SMIM13: variants seen among roughly 807,000 people sequenced by gnomAD.
SMIM13 encodes UPF0766 protein C6orf228.
Under a neutral mutation model 5.9 loss-of-function variants are expected in SMIM13, and 3 were observed. The observed-to-expected ratio is 0.51, with a 90% CI of 0.23 to 1.31. The LOEUF is 1.31. Ranked by LOEUF, SMIM13 falls within the 40% of genes most tolerant of loss-of-function variation. SMIM13 has a pLI of 0.18. For synonymous variants in SMIM13, 55 were observed against 46.0 expected (o/e 1.19, Z -0.79); for missense variants, 85 against 109.9 (o/e 0.77, Z 1.01).
intron 1 of SMIM13, among the ~76,000 whole-genome samples, chr6:11,095,139 C>T (rs1285837126): frequency 6.6e-6 from 1 of 152,082 alleles, no homozygotes; most frequent in Non-Finnish European, 1.5e-5. Context: ...CTAAAAAGTA[C>T]GTAGAACACG....
In SMIM13 at chr6:11,130,592, T is replaced by C. The variant is rs144945839; in HGVS notation, c.77-3811T>C. 9.8e-5 allele frequency among the ~76,000 whole-genome samples: 15 copies of C among 152,330 alleles called. No individual in the cohort carries two copies. The East Asian group carries it at 2.9e-3, about 29-fold the overall frequency. ...CTCCAAACTCTAGAGTTTTTCTCATTGATACCACATTCTGGTTCTGAATTT... is the reference window on the plus strand; with the variant it reads ...CTCCAAACTCTAGAGTTTTTCTCATCGATACCACATTCTGGTTCTGAATTT... On this transcript the variant is annotated intron_variant, in intron 1 of 1. Coordinates refer to ENST00000416247, the MANE Select transcript of SMIM13 (RefSeq NM_001135575.2).
intron 1 of SMIM13, among the ~76,000 whole-genome samples, chr6:11,094,954 A>T (rs1401388974): frequency 6.6e-6 from 1 of 152,198 alleles, no homozygotes; most frequent in African/African-American, 2.4e-5. Context: ...TCAGTTCTAT[A>T]ATAATGGTGC....
chr6:11,099,383 C>T (rs1757964057), intron 1 of SMIM13, among the ~76,000 whole-genome samples: 1 of 152,108 alleles, frequency 6.6e-6, no homozygotes, highest in Non-Finnish European at 1.5e-5. Flanking sequence ...CCATGTTGGC[C>T]AGGATGGTCT....
chr6:11,117,781 T>C (rs543862708), intron 1 of SMIM13, among the ~76,000 whole-genome samples: 101 of 150,998 alleles, frequency 6.7e-4, no homozygotes, highest in Admixed American at 5.9e-3. Flanking sequence ...AGAGGGTCTC[T>C]CTCTGTCACC....
intron 1 of SMIM13, chr6:11,104,754 A>G: frequency 6.2e-7 from 1 of 1,614,244 alleles, no homozygotes; most frequent in Non-Finnish European, 8.5e-7. Context: ...GGATTTATCT[A>G]GCAAAGTTCC....
intron 1 of SMIM13, among the ~76,000 whole-genome samples, chr6:11,106,766 A>T (rs11754914): frequency 6.6e-6 from 1 of 152,078 alleles, no homozygotes; most frequent in Non-Finnish European, 1.5e-5. Context: ...GTTTCATTAG[A>T]GCCCCTTTGG....
At chr6:11,096,428 G>C (rs141562523) in intron 1 of SMIM13, among the ~76,000 whole-genome samples, 2 of 152,338 alleles carry the variant, frequency 1.3e-5, no homozygotes, top group African/African-American at 4.8e-5. Flanking sequence ...CCTGTGCTAG[G>C]ACACCTTAGT....
At chr6:11,110,230 C>T (rs2113649851) in intron 1 of SMIM13, among the ~76,000 whole-genome samples, 1 of 152,306 alleles carries the variant, frequency 6.6e-6, no homozygotes, top group South Asian at 2.1e-4. Flanking sequence ...ACCCTGATCC[C>T]ATCCCATTTC....
chr6:11,105,504 T>A (rs908782110), intron 1 of SMIM13: 3 of 573,832 alleles, frequency 5.2e-6, no homozygotes, highest in Non-Finnish European at 9.5e-6. Flanking sequence ...GAATTTTAGA[T>A]CTTCCAGTGC....
intron 1 of SMIM13, among the ~76,000 whole-genome samples, chr6:11,098,683 C>A (rs1757955260): frequency 1.3e-5 from 2 of 152,106 alleles, no homozygotes; most frequent in African/African-American, 4.8e-5. Flanking sequence ...TCCACTTGCC[C>A]CGGGCTCCCA....
chr6:11,103,871 G>T lies in SMIM13; in HGVS notation c.76+9482G>T, dbSNP rs1367231219. 81 of 1,551,706 alleles carry T rather than the reference G, an allele frequency of 5.2e-5. No homozygotes were observed. In the East Asian group the frequency reaches 1.9e-3, roughly 36 times the overall value. Reference sequence around the variant, plus strand: ...GGCCTGTAAGGGGAAGAACCCAAGAGAACCATTTCCAAGTTCCTTCCCAAT... The same window carrying T: ...GGCCTGTAAGGGGAAGAACCCAAGATAACCATTTCCAAGTTCCTTCCCAAT... On this transcript the variant is annotated intron_variant, in intron 1 of 1. Coordinates refer to ENST00000416247, the MANE Select transcript of SMIM13 (RefSeq NM_001135575.2).
At chr6:11,111,998 C>T (rs1446465471) in intron 1 of SMIM13, among the ~76,000 whole-genome samples, 1 of 152,208 alleles carries the variant, frequency 6.6e-6, no homozygotes, top group African/African-American at 2.4e-5. Context: ...CCCACTTGCC[C>T]AGCTTCGGAG....
At chr6:11,114,243 G>A (rs1758207437) in intron 1 of SMIM13, among the ~76,000 whole-genome samples, 1 of 152,134 alleles carries the variant, frequency 6.6e-6, no homozygotes, top group African/African-American at 2.4e-5. Flanking sequence ...CCCTCCCAAA[G>A]TGTTGGGATT....
chr6:11,096,936 C>A (rs1278763389), intron 1 of SMIM13, among the ~76,000 whole-genome samples: 1 of 152,232 alleles, frequency 6.6e-6, no homozygotes, highest in African/African-American at 2.4e-5. Context: ...GGTGATCCAC[C>A]CGCCTCGGCT....
intron 1 of SMIM13, among the ~76,000 whole-genome samples, chr6:11,125,142 G>A (rs7752435): frequency 0.033 from 5,036 of 151,512 alleles, 188 homozygotes; most frequent in East Asian, 0.12. Context: ...GCTGGGCATG[G>A]TGGTGTGCGC....
intron 1 of SMIM13, chr6:11,104,162 C>G: frequency 6.4e-7 from 1 of 1,551,710 alleles, no homozygotes; most frequent in Non-Finnish European, 8.7e-7. Context: ...CCTTTGAGAG[C>G]TGGCTATAGG....
rs75506339 is a variant in SMIM13, at chr6:11,115,526, C to T, written c.77-18877C>T. Among the ~76,000 whole-genome samples the T allele has an allele frequency of 4.4e-3, 670 of 152,256 alleles. 5 individuals are homozygous for T. The highest frequency in any genetic ancestry group is 0.015 in the African/African-American group (643 of 41,548). On this transcript the variant is annotated intron_variant, in intron 1 of 1. Transcript: ENST00000416247. ...GGTTTTTACCTAATTGAGTCAGGCC[C>T]ACCCAAGGTAATTTCACTTTTGAAT...
chr6:11,115,852 T>G (rs1297054749), intron 1 of SMIM13, among the ~76,000 whole-genome samples: 2 of 150,364 alleles, frequency 1.3e-5, no homozygotes, highest in East Asian at 2.0e-4. Context: ...GCCTGGCTAA[T>G]TTTTTTGTAT....
intron 1 of SMIM13, among the ~76,000 whole-genome samples, chr6:11,099,631 A>G (rs1044785261): frequency 6.6e-6 from 1 of 152,234 alleles, no homozygotes; most frequent in African/African-American, 2.4e-5. Flanking sequence ...CAACAAATGA[A>G]TAGATGAATG....
Sources: gnomAD v4.1 joint callset for allele counts (sites outside exome capture counted in the v4.1 genomes callset) on GRCh38, gnomAD v4.1.1 for gene constraint, MANE v1.5 for transcripts, NCBI Gene and HGNC (gene_info 2026-07-23, HGNC 2026-07-21) for gene names.